Variants in SLC11A2 observed in about 807,000 individuals in gnomAD.
SLC11A2 encodes the protein solute carrier family 11 member 2.
SLC11A2 carries 38 observed loss-of-function variants against 68.0 expected under a neutral mutation model. That is an observed-to-expected ratio of 0.56 (90% CI 0.43 to 0.73). The LOEUF is 0.73. Ranked by LOEUF, SLC11A2 falls within the 30% of genes least tolerant of loss-of-function variation. The pLI is 0.00. For missense variants in SLC11A2, 517 were observed against 690.5 expected, an observed-to-expected ratio of 0.75 and a Z score of 2.82; for synonymous variants, 242 against 250.6, an observed-to-expected ratio of 0.97 and a Z score of 0.32.
At chr12:50,962,248 C>T in the SLC11A2 span, among the ~76,000 whole-genome samples, 2 of 151,566 alleles carry the variant, frequency 1.3e-5, no homozygotes, top group Non-Finnish European at 1.5e-5. Context: ...CACACACACA[C>T]ACACACACAA....
chr12:51,000,148 A>G (rs1325857155), intron 6 of SLC11A2, among the ~76,000 whole-genome samples, 165 bp downstream of exon 6: 1 of 152,238 alleles, frequency 6.6e-6, no homozygotes, highest in Non-Finnish European at 1.5e-5. Flanking sequence ...GAAGATGTAG[A>G]GTCTACATCT....
chr12:50,995,926 T>C lies in SLC11A2; in HGVS notation c.832-139A>G, dbSNP rs145393507. Reference sequence around the variant, plus strand: ...AAAAGTGAGAGATCCAACACTCACCTACATCCTAGTTCACTGAGCAATTAA... The same window carrying C: ...AAAAGTGAGAGATCCAACACTCACCCACATCCTAGTTCACTGAGCAATTAA... On this transcript the variant is annotated intron_variant, in intron 9 of 15. Transcript: ENST00000262052. The C allele has an allele frequency of 4.5e-4, 333 of 739,010 alleles. 1 individual carries two copies. In the African/African-American group the frequency reaches 4.9e-3, roughly 11 times the overall value. The allele number at this position is 739,010 out of a possible 1,614,324, so 45.8% of individuals were successfully genotyped here.
At chr12:50,961,134 C>T in the SLC11A2 span, 1 of 1,609,118 alleles carries the variant, frequency 6.2e-7, no homozygotes, top group Admixed American at 1.7e-5. Context: ...TTATGTTCAG[C>T]TGTCTTTGAG....
At chr12:51,028,346 AGACGAGCAAG>A, upstream of SLC11A2, 1 of 607,540 alleles carries the variant, frequency 1.6e-6, no homozygotes, top group Non-Finnish European at 2.8e-6. Context: ...AGCTTTCTAA[AGACGAGCAAG>A]GAATTTCAAG....
At position 51,001,776 on chromosome 12, in the gene SLC11A2, G is replaced by C. The variant is rs1450126268; in HGVS notation, c.430-1357C>G. On this transcript the variant is annotated intron_variant, in intron 5 of 15. Coordinates refer to ENST00000262052, the MANE Select transcript of SLC11A2 (RefSeq NM_000617.3). ...CTAAGCCCCAGTGGTCAAGGCTGCA[G>C]TGAGCTATGATCATGCCACTGCACT... Among the ~76,000 whole-genome samples, 4 of 152,190 alleles carry C rather than the reference G, an allele frequency of 2.6e-5. No homozygotes were observed. The East Asian group carries it at 7.7e-4, about 29-fold the overall frequency.
chr12:50,968,548 A>G, the SLC11A2 span, among the ~76,000 whole-genome samples: 1 of 151,528 alleles, frequency 6.6e-6, no homozygotes, highest in Admixed American at 6.6e-5. Flanking sequence ...CACCATGCCC[A>G]GCTAATTTTT....
At chr12:50,973,241 C>A in the SLC11A2 span, among the ~76,000 whole-genome samples, 3 of 152,168 alleles carry the variant, frequency 2.0e-5, no homozygotes, top group South Asian at 2.1e-4. Flanking sequence ...AGGCACCCCC[C>A]AGTAGGGGCA....
At chr12:50,981,662 C>G, downstream of SLC11A2, 1 of 1,070,832 alleles carries the variant, frequency 9.3e-7, no homozygotes, top group Non-Finnish European at 1.4e-6. Context: ...GAGACGTTAA[C>G]GGGACACCTG....
Position 50,987,484 on chromosome 12 carries a change from T to C in SLC11A2, c.*841A>G, listed in dbSNP as rs1940706007. Reference sequence around the variant, plus strand: ...GAACATCAGTTCATAAATACTACCATCTGTTTCTATCACCACCCTCCTGGA... The same window carrying C: ...GAACATCAGTTCATAAATACTACCACCTGTTTCTATCACCACCCTCCTGGA... On this transcript the variant is annotated 3_prime_UTR_variant, in exon 16 of 16. Coordinates refer to ENST00000262052, the MANE Select transcript of SLC11A2 (RefSeq NM_000617.3). 1 of 1,287,226 alleles carries C rather than the reference T, an allele frequency of 7.8e-7. No individual in the cohort carries two copies. Among genetic ancestry groups the C allele is most frequent in the Non-Finnish European group, 1.0e-6 (1 of 988,686 alleles). 79.7% of individuals were successfully genotyped at this position (1,287,226 alleles called of 1,614,324 possible).
At position 51,005,396 on chromosome 12, in the gene SLC11A2, C is replaced by G; in HGVS notation, c.224G>C (p.Gly75Ala). Residue 75 changes from glycine to alanine, a missense_variant, in exon 4 of 16, where the codon GGA (glycine) becomes GCA (alanine). Transcript: ENST00000262052. ...FSFRKLWAFT[G>A]PGFLMSIAYL... ...GGCAATGCTCATAAGAAAACCTGGTCCGGTGAAAGCCCAGAGTTTACGAAA... is the reference window on the plus strand; with the variant it reads ...GGCAATGCTCATAAGAAAACCTGGTGCGGTGAAAGCCCAGAGTTTACGAAA... 5.0e-6 allele frequency: 8 copies of G among 1,613,894 alleles called. No homozygotes were observed. Among genetic ancestry groups the G allele is most frequent in the Non-Finnish European group, 6.8e-6 (8 of 1,179,922 alleles).
the SLC11A2 span, among the ~76,000 whole-genome samples, chr12:50,953,469 T>C: frequency 6.6e-6 from 1 of 152,238 alleles, no homozygotes. Flanking sequence ...TTGTCTAGCA[T>C]AGCAACTGGC....
the SLC11A2 span, among the ~76,000 whole-genome samples, chr12:50,971,865 C>T: frequency 6.6e-6 from 1 of 152,204 alleles, no homozygotes; most frequent in Admixed American, 6.5e-5. Context: ...GAAAATATGT[C>T]TGCATTCTGG....
chr12:50,979,567 TAA>T (rs1373980081), downstream of SLC11A2: 2 of 279,128 alleles, frequency 7.2e-6, no homozygotes, highest in Non-Finnish European at 7.1e-6. Context: ...CAAAAACACT[TAA>T]GAGTCTCTTT....
intron 3 of SLC11A2, among the ~76,000 whole-genome samples, chr12:51,007,201 G>A (rs1053669864): frequency 6.6e-6 from 1 of 152,062 alleles, no homozygotes; most frequent in Non-Finnish European, 1.5e-5. Context: ...CCCCTAAAAC[G>A]TATAAAATCA....
chr12:50,995,930 T>C, intron 9 of SLC11A2, 143 bp from the exon 10 acceptor site: 4 of 727,702 alleles, frequency 5.5e-6, no homozygotes, highest in South Asian at 4.7e-5. Context: ...CTCACCTACA[T>C]CCTAGTTCAC....
the SLC11A2 span, among the ~76,000 whole-genome samples, chr12:50,959,179 G>A: frequency 3.3e-5 from 5 of 151,732 alleles, no homozygotes; most frequent in Non-Finnish European, 5.9e-5. Flanking sequence ...GAGTGCAATG[G>A]TGCAATCTCA....
At chr12:51,026,691 C>G (rs545548698), upstream of SLC11A2, among the ~76,000 whole-genome samples, 7 of 152,216 alleles carry the variant, frequency 4.6e-5, no homozygotes, top group African/African-American at 1.7e-4. Flanking sequence ...CGTGGCGCCA[C>G]GTTAGGTACT....
the SLC11A2 span, among the ~76,000 whole-genome samples, chr12:50,958,084 G>T: frequency 6.6e-6 from 1 of 151,550 alleles, no homozygotes; most frequent in Non-Finnish European, 1.5e-5. Context: ...GGCATTACAG[G>T]CATGAGCTAC....
At chr12:50,952,767 G>GCGCA in the SLC11A2 span, among the ~76,000 whole-genome samples, 1 of 152,354 alleles carries the variant, frequency 6.6e-6, no homozygotes, top group East Asian at 1.9e-4. Flanking sequence ...ACTGCAGGGA[G>GCGCA]CGCACCTCCT....
Sources: gnomAD v4.1 joint callset for allele counts (sites outside exome capture counted in the v4.1 genomes callset) on GRCh38, gnomAD v4.1.1 for gene constraint, MANE v1.5 for transcripts, NCBI Gene and HGNC (gene_info 2026-07-23, HGNC 2026-07-21) for gene names.